NFXL1: variants seen among roughly 807,000 people sequenced by gnomAD.
NFXL1 encodes the protein nuclear transcription factor, X-box binding like 1.
A neutral mutation model predicts 123.3 loss-of-function variants in NFXL1; 66 were observed. The ratio of observed to expected loss-of-function variants is 0.54; its 90% CI spans 0.44 to 0.66. The LOEUF (loss-of-function observed/expected upper bound fraction) is 0.66, where lower values mean the gene tolerates loss of function less well. NFXL1 is among the 30% of genes least tolerant of loss of function. NFXL1 has a pLI of 0.00. For missense variants in NFXL1, 944 were observed against 1,125.6 expected, an observed-to-expected ratio of 0.84 and a Z score of 2.31; for synonymous variants, 346 against 360.8, an observed-to-expected ratio of 0.96 and a Z score of 0.46.
chr4:47,862,717 T>C (rs1454838556), intron 19 of NFXL1, 129 bp downstream of exon 19: 6 of 709,022 alleles, frequency 8.5e-6, no homozygotes, highest in Non-Finnish European at 1.5e-5. Context: ...CCTAACTATA[T>C]GTCTTACGTG....
intron 18 of NFXL1, among the ~76,000 whole-genome samples, chr4:47,872,850 A>C (rs1397205904): frequency 6.6e-6 from 1 of 152,198 alleles, no homozygotes; most frequent in African/African-American, 2.4e-5. Flanking sequence ...AAAAAAAATA[A>C]GACAATAGAG....
At chr4:47,856,760 G>GT (rs1174003160) in intron 19 of NFXL1, among the ~76,000 whole-genome samples, 3 of 152,190 alleles carry the variant, frequency 2.0e-5, no homozygotes, top group Non-Finnish European at 4.4e-5. Context: ...TATTAATAGA[G>GT]TAAGTCCAGG....
Position 47,848,235 on chromosome 4 carries a change from T to A in NFXL1, c.2664A>T (p.Lys888Asn). 1 of 1,612,876 alleles carries A rather than the reference T, an allele frequency of 6.2e-7. No individual in the cohort carries two copies. Among genetic ancestry groups the A allele is most frequent in the South Asian group, 1.1e-5 (1 of 90,970 alleles). Residue 888 changes from lysine to asparagine, a missense_variant, in exon 23 of 23, where the codon AAA (lysine) becomes AAT (asparagine). Physicochemically the swap from Lys to Asn is moderately conservative, Grantham distance 94 (BLOSUM62 0). Transcript: ENST00000507489. ...AVELSLWQKH[K>N]YYLISVCGVV... is the part of the protein sequence containing the mutation. ...CTCCACACACTGAAATGAGATAATA[T>A]TTATGTTTTTGCCATAGTGATAGCT... is the stretch of plus-strand genomic sequence containing the variant.
chr4:47,911,121 T>A lies in NFXL1; in HGVS notation c.236-127A>T, dbSNP rs571897703. 11 of 483,704 alleles carry A rather than the reference T, an allele frequency of 2.3e-5. 1 individual carries two copies. The highest frequency in any genetic ancestry group is 2.2e-4 in the African/African-American group (11 of 50,042). The allele number at this position is 483,704 out of a possible 1,614,324, so 30.0% of individuals were successfully genotyped here. ...TTTGGAGCATTCTACCTTCCTGTAA[T>A]CCACGAGAAAAGTATTTTCAAATTC... On this transcript the variant is annotated intron_variant, in intron 2 of 22. Transcript: ENST00000507489.
intron 5 of NFXL1, among the ~76,000 whole-genome samples, chr4:47,901,471 T>C (rs368351620): frequency 6.6e-6 from 1 of 152,226 alleles, no homozygotes; most frequent in East Asian, 1.9e-4. Flanking sequence ...GGTAAAAAAA[T>C]ATATACATAA....
intron 15 of NFXL1, among the ~76,000 whole-genome samples, chr4:47,882,785 T>C (rs1314957155): frequency 1.3e-5 from 2 of 152,242 alleles, no homozygotes; most frequent in African/African-American, 4.8e-5. Context: ...ACAACAGTAA[T>C]GAACTCATTA....
At chr4:47,874,923 G>GA (rs1735654943) in intron 18 of NFXL1, among the ~76,000 whole-genome samples, 2 of 151,718 alleles carry the variant, frequency 1.3e-5, no homozygotes, top group Non-Finnish European at 2.9e-5. Context: ...TCCCGAAATG[G>GA]AAAAAAAGCA....
chr4:47,892,175 T>C (rs1736812643), intron 11 of NFXL1, among the ~76,000 whole-genome samples: 1 of 152,140 alleles, frequency 6.6e-6, no homozygotes. Flanking sequence ...TTTCAGGTAT[T>C]AGATAATGAG....
chr4:47,902,219 C>T lies in NFXL1; in HGVS notation c.647+974G>A, dbSNP rs1279436544. Reference sequence around the variant, plus strand: ...AATTAAAATAAAAAAAAAATTTAAACATAAAATTAGTTACTAAAGTTACAA... The same window carrying T: ...AATTAAAATAAAAAAAAAATTTAAATATAAAATTAGTTACTAAAGTTACAA... On this transcript the variant is annotated intron_variant, in intron 5 of 22. Transcript: ENST00000507489. Among the ~76,000 whole-genome samples the T allele has an allele frequency of 3.3e-5, 5 of 152,018 alleles. No homozygotes were observed. The East Asian group carries it at 9.7e-4, about 29-fold the overall frequency.
At chr4:47,874,706 T>G (rs1286959505) in intron 18 of NFXL1, among the ~76,000 whole-genome samples, 1 of 67,882 alleles carries the variant, frequency 1.5e-5, no homozygotes, top group African/African-American at 4.6e-5. Context: ...CAATGCAGGT[T>G]GACAAACTCC....
intron 15 of NFXL1, among the ~76,000 whole-genome samples, chr4:47,879,784 C>A (rs994765954): frequency 3.9e-5 from 6 of 152,126 alleles, no homozygotes; most frequent in Non-Finnish European, 8.8e-5. Flanking sequence ...TCATAGTCTA[C>A]TGATCTTTGG....
intron 19 of NFXL1, among the ~76,000 whole-genome samples, chr4:47,856,462 G>C (rs551268334): frequency 8.3e-4 from 126 of 151,686 alleles, no homozygotes; most frequent in African/African-American, 2.9e-3. Flanking sequence ...ATTTCTTTGT[G>C]TCTCTCATGT....
intron 18 of NFXL1, among the ~76,000 whole-genome samples, chr4:47,863,880 T>C (rs1484395978): frequency 1.3e-5 from 2 of 152,140 alleles, no homozygotes; most frequent in African/African-American, 4.8e-5. Context: ...GCGTCTCACT[T>C]TTCTGTTTCC....
chr4:47,876,336 C>G (rs1015433877), intron 17 of NFXL1, among the ~76,000 whole-genome samples: 1 of 151,746 alleles, frequency 6.6e-6, no homozygotes, highest in Admixed American at 6.6e-5. Flanking sequence ...ATGGCAGCAA[C>G]AAGAAGGAAG....
intron 19 of NFXL1, among the ~76,000 whole-genome samples, chr4:47,860,746 G>A (rs1734716837): frequency 6.6e-6 from 1 of 152,270 alleles, no homozygotes; most frequent in South Asian, 2.1e-4. Context: ...CTCAATGTGT[G>A]CTCTTGGACC....
chr4:47,859,924 T>TA (rs1734658227), intron 19 of NFXL1, among the ~76,000 whole-genome samples: 2 of 101,884 alleles, frequency 2.0e-5, no homozygotes, highest in African/African-American at 7.7e-5. Flanking sequence ...ACGTGAAATA[T>TA]AAAAAAACTG....
intron 10 of NFXL1, among the ~76,000 whole-genome samples, chr4:47,894,846 G>A (rs1736987856): frequency 6.6e-6 from 1 of 152,134 alleles, no homozygotes; most frequent in South Asian, 2.1e-4. Context: ...CTAAAATGAG[G>A]AATCCTTTCC....
intron 18 of NFXL1, among the ~76,000 whole-genome samples, chr4:47,867,994 T>C (rs551063630): frequency 6.6e-6 from 1 of 152,210 alleles, no homozygotes; most frequent in East Asian, 1.9e-4. Context: ...GCAAAAAGAC[T>C]GATGGTTGAA....
Position 47,848,180 on chromosome 4 carries a change from T to C in NFXL1, c.2719A>G (p.Thr907Ala), listed in dbSNP as rs61730179. ...AACTTTTTTTAATTGACATCATGGG[T>C]GATGTACCAGGCAAACACTACAACC... Reference protein sequence around the residue: ...VVVVVFAWYITHDVN With the variant: ...VVVVVFAWYIAHDVN The change falls in exon 23 of 23, where the codon ACC (threonine) becomes GCC (alanine). Residue 907 changes from threonine to alanine, a missense_variant. Physicochemically the swap from Thr to Ala is moderately conservative, Grantham distance 58. This residue lies in a region of NFXL1 where 301 missense variants were observed against 348.0 expected (regional missense o/e 0.86). Coordinates refer to ENST00000507489, the MANE Select transcript of NFXL1 (RefSeq NM_001278624.2). 1.2e-3 allele frequency: 1,858 copies of C among 1,593,056 alleles called. 21 individuals are homozygous for C. The African/African-American group carries it at 0.023, about 19-fold the overall frequency.
Sources: gnomAD v4.1 joint callset for allele counts (sites outside exome capture counted in the v4.1 genomes callset) on GRCh38, gnomAD v4.1.1 for gene constraint, gnomAD v4.1.1 regional missense constraint, MANE v1.5 for transcripts, NCBI Gene and HGNC (gene_info 2026-07-23, HGNC 2026-07-21) for gene names.